Variants in NTM observed in about 807,000 individuals in gnomAD.
The protein encoded by NTM is IgLON family member 2.
NTM carries 13 observed loss-of-function variants against 42.1 expected under a neutral mutation model. The ratio of observed to expected loss-of-function variants is 0.31; its 90% CI spans 0.20 to 0.49. NTM has a LOEUF of 0.49. Ranked by LOEUF, NTM falls within the 20% of genes least tolerant of loss-of-function variation. The pLI is 0.99. For synonymous variants in NTM, 187 were observed against 179.2 expected (o/e 1.04, Z -0.35); for missense variants, 373 against 452.8 (o/e 0.82, Z 1.60).
intron 1 of NTM, among the ~76,000 whole-genome samples, chr11:131,868,481 G>T (rs1010124707): frequency 1.3e-5 from 2 of 152,162 alleles, no homozygotes; most frequent in Non-Finnish European, 2.9e-5. Flanking sequence ...GTCGGGCTCT[G>T]TGCAGACCCT....
chr11:131,656,424 T>C (rs1592389059), intron 1 of NTM, among the ~76,000 whole-genome samples: 1 of 152,266 alleles, frequency 6.6e-6, no homozygotes, highest in Non-Finnish European at 1.5e-5. Flanking sequence ...CGATGCAGCA[T>C]GGGCTGTGAG....
intron 1 of NTM, among the ~76,000 whole-genome samples, chr11:131,632,438 C>A (rs79711556): frequency 0.045 from 6,775 of 152,048 alleles, 348 homozygotes; most frequent in African/African-American, 0.13. Context: ...TTCTTTAAGT[C>A]TTGTTTTATA....
At chr11:131,397,715 T>C (rs1217381277) in intron 1 of NTM, among the ~76,000 whole-genome samples, 1 of 152,204 alleles carries the variant, frequency 6.6e-6, no homozygotes, top group Non-Finnish European at 1.5e-5. Flanking sequence ...CATCAGGATG[T>C]ATAAATGGGC....
intron 1 of NTM, among the ~76,000 whole-genome samples, chr11:131,659,593 G>A (rs2067685052): frequency 6.6e-6 from 1 of 152,224 alleles, no homozygotes; most frequent in African/African-American, 2.4e-5. Flanking sequence ...GAAGTACGGT[G>A]TTTTAGTTTA....
Position 132,002,554 on chromosome 11 carries a change from GTCCC to G in NTM, c.167+90907_167+90910del, listed in dbSNP as rs2069547274. ...AGAATGAAATGATGTGTTGGTGTCT[GTCCC>G]CCAAATTGGAGGCTTCTGGCCATTG... On this transcript the variant is annotated intron_variant, in intron 2 of 8. Coordinates refer to ENST00000683400, the MANE Select transcript of NTM (RefSeq NM_001352005.2). The surrounding 1 kb of genome is among the most constrained non-coding windows in gnomAD (Gnocchi z 4.5). 6.6e-6 allele frequency among the ~76,000 whole-genome samples: 1 copy of G among 152,162 alleles called. No individual in the cohort carries two copies. Among genetic ancestry groups the G allele is most frequent in the African/African-American group, 2.4e-5 (1 of 41,412 alleles).
At chr11:131,687,359 C>G (rs533015083) in intron 1 of NTM, among the ~76,000 whole-genome samples, 9 of 152,232 alleles carry the variant, frequency 5.9e-5, no homozygotes, top group African/African-American at 2.2e-4. Flanking sequence ...CCAATTGCGG[C>G]TTCGGGCAGG....
At position 131,843,009 on chromosome 11, in the gene NTM, C is replaced by A. The variant is rs1393612972; in HGVS notation, c.83-68555C>A. Among the ~76,000 whole-genome samples, 6 of 151,380 alleles carry A rather than the reference C, an allele frequency of 4.0e-5. No homozygotes were observed. In the East Asian group the frequency reaches 1.2e-3, roughly 29 times the overall value. ...TGGGTGATAAAGCAAGACTTTGTCT[C>A]AAAAAATAAATAAATAAATAAATAA... On this transcript the variant is annotated intron_variant, in intron 1 of 8. Transcript: ENST00000683400.
chr11:131,636,551 C>T (rs1565358869), intron 1 of NTM, among the ~76,000 whole-genome samples: 1 of 152,168 alleles, frequency 6.6e-6, no homozygotes, highest in Non-Finnish European at 1.5e-5. Context: ...TGCGTTGTAA[C>T]ATAAAACGAT....
intron 2 of NTM, among the ~76,000 whole-genome samples, chr11:131,929,323 C>A (rs965216739): frequency 7.0e-6 from 1 of 142,316 alleles, no homozygotes; most frequent in Admixed American, 6.8e-5. Flanking sequence ...CCTGAACCAA[C>A]GGGGGGGCAC....
intron 1 of NTM, among the ~76,000 whole-genome samples, chr11:131,551,030 T>C (rs992599592): frequency 2.5e-4 from 38 of 152,336 alleles, no homozygotes; most frequent in African/African-American, 8.9e-4. Flanking sequence ...AGTTGTATTT[T>C]ATGTTATTTT....
chr11:132,306,379 C>G (rs571999169), intron 4 of NTM: 1 of 152,226 alleles, frequency 6.6e-6, no homozygotes, highest in South Asian at 2.1e-4. Flanking sequence ...CCCTTTGTTC[C>G]CTTTCTTGGG....
At chr11:132,205,065 A>G (rs1182503006) in intron 3 of NTM, among the ~76,000 whole-genome samples, 4 of 152,182 alleles carry the variant, frequency 2.6e-5, no homozygotes, top group Non-Finnish European at 5.9e-5. Context: ...CTGTAAAGAC[A>G]AAGGTCCCTA....
At chr11:131,785,224 G>A (rs934639282) in intron 1 of NTM, among the ~76,000 whole-genome samples, 2 of 152,216 alleles carry the variant, frequency 1.3e-5, no homozygotes, top group African/African-American at 2.4e-5. Flanking sequence ...GGTGTGGGCA[G>A]TGGCAGGTGG....
intron 2 of NTM, among the ~76,000 whole-genome samples, chr11:132,016,142 C>A (rs2073365906): frequency 6.6e-6 from 1 of 150,900 alleles, no homozygotes; most frequent in African/African-American, 2.4e-5. Context: ...TTATCAAATG[C>A]TTTTTCTGCA....
intron 4 of NTM, among the ~76,000 whole-genome samples, chr11:132,243,392 G>A (rs2090541184): frequency 6.6e-6 from 1 of 152,104 alleles, no homozygotes; most frequent in African/African-American, 2.4e-5. Flanking sequence ...CGCATTATTG[G>A]GGGTACGTCG....
intron 1 of NTM, among the ~76,000 whole-genome samples, chr11:131,659,478 G>T (rs945232996): frequency 4.6e-5 from 7 of 152,180 alleles, no homozygotes; most frequent in African/African-American, 1.7e-4. Flanking sequence ...GGGCATGGTG[G>T]CCGGGCCATC....
chr11:132,024,116 C>A (rs919788797), intron 2 of NTM, among the ~76,000 whole-genome samples: 3 of 151,472 alleles, frequency 2.0e-5, no homozygotes, highest in African/African-American at 7.3e-5. Context: ...CTGCACCCAG[C>A]ATTTTTTTTT....
chr11:131,380,860 G>A (rs1395049259), intron 1 of NTM, among the ~76,000 whole-genome samples: 1 of 152,174 alleles, frequency 6.6e-6, no homozygotes, highest in Non-Finnish European at 1.5e-5. Flanking sequence ...AGGTATGCAA[G>A]AGCCTGACCT....
chr11:131,929,730 A>G (rs1439057905), intron 2 of NTM, among the ~76,000 whole-genome samples: 1 of 152,106 alleles, frequency 6.6e-6, no homozygotes, highest in Non-Finnish European at 1.5e-5. Context: ...TCCAATGGTC[A>G]TATCGTGAAG....
Sources: allele counts gnomAD v4.1 joint callset (sites outside exome capture counted in the v4.1 genomes callset), GRCh38; gene constraint gnomAD v4.1.1; non-coding constraint Gnocchi (gnomAD v3.1); transcripts MANE v1.5; gene names NCBI Gene and HGNC (gene_info 2026-07-23, HGNC 2026-07-21).